The following GPHN variants were observed in gnomAD, a reference collection of about 807,000 sequenced individuals.
GPHN encodes the protein gephyrin.
GPHN carries 17 observed loss-of-function variants against 95.5 expected under a neutral mutation model. The ratio of observed to expected loss-of-function variants is 0.18; its 90% CI spans 0.12 to 0.27. GPHN has a LOEUF of 0.27. Among genes scored for constraint, GPHN ranks in the 10% least tolerant of loss-of-function variants. The pLI is 1.00. For missense variants in GPHN, 660 were observed against 978.1 expected, an observed-to-expected ratio of 0.67 and a Z score of 4.34; for synonymous variants, 320 against 322.5, an observed-to-expected ratio of 0.99 and a Z score of 0.08.
At chr14:66,516,013 A>AT (rs5809316) in intron 1 of GPHN, among the ~76,000 whole-genome samples, 2,572 of 146,050 alleles carry the variant, frequency 0.018, 28 homozygotes, top group Non-Finnish European at 0.026. Context: ...TTTGATACAC[A>AT]TTTTTTTTTT....
the GPHN span, chr14:67,204,492 C>A: frequency 5.2e-6 from 8 of 1,544,666 alleles, no homozygotes; most frequent in Non-Finnish European, 7.0e-6. Context: ...TTTTATAAGC[C>A]TCCCATCAGG....
the GPHN span, chr14:67,572,081 G>A: frequency 1.9e-6 from 3 of 1,564,658 alleles, no homozygotes; most frequent in Non-Finnish European, 2.6e-6. Flanking sequence ...CTCCTGGGCT[G>A]CGTGAGTCGG....
the GPHN span, chr14:67,381,558 A>G: frequency 9.6e-6 from 15 of 1,563,698 alleles, no homozygotes; most frequent in Admixed American, 2.6e-4. Context: ...TATTTTTTGC[A>G]TTTTTTATCA....
At chr14:67,335,792 A>AAAATT in the GPHN span, 3 of 152,560 alleles carry the variant, frequency 2.0e-5, no homozygotes, top group African/African-American at 4.8e-5. Flanking sequence ...AATAAAAAGT[A>AAAATT]AAATTATATT....
At chr14:66,860,530 TA>T (rs1173298909) in intron 4 of GPHN, among the ~76,000 whole-genome samples, 1 of 151,866 alleles carries the variant, frequency 6.6e-6, no homozygotes, top group Non-Finnish European at 1.5e-5. Flanking sequence ...TAATGAGCAA[TA>T]AAAAATATCA....
At chr14:67,193,538 A>T in the GPHN span, among the ~76,000 whole-genome samples, 1 of 143,836 alleles carries the variant, frequency 7.0e-6, no homozygotes, top group Non-Finnish European at 1.5e-5. Flanking sequence ...GATCTATAGA[A>T]ATATATATCT....
At chr14:67,439,669 G>A in the GPHN span, among the ~76,000 whole-genome samples, 1 of 151,484 alleles carries the variant, frequency 6.6e-6, no homozygotes, top group Non-Finnish European at 1.5e-5. Context: ...AGCAGTACCT[G>A]TCTACAGTGA....
At chr14:67,279,910 A>T in the GPHN span, 7 of 191,766 alleles carry the variant, frequency 3.7e-5, no homozygotes, top group Non-Finnish European at 7.4e-5. Context: ...GTAAAATAGT[A>T]ATAAATTTGT....
chr14:66,802,172 A>C, intron 3 of GPHN, among the ~76,000 whole-genome samples: 1 of 152,102 alleles, frequency 6.6e-6, no homozygotes, highest in East Asian at 1.9e-4. Flanking sequence ...TTGCCCTCAA[A>C]CCGCATGACA....
At chr14:66,679,737 C>G (rs1312964775) in intron 1 of GPHN, among the ~76,000 whole-genome samples, 1 of 152,146 alleles carries the variant, frequency 6.6e-6, no homozygotes, top group Non-Finnish European at 1.5e-5. Flanking sequence ...CCACCAACTG[C>G]TTAATTGCAG....
At chr14:67,569,084 G>A in the GPHN span, 20 of 1,209,470 alleles carry the variant, frequency 1.7e-5, no homozygotes, top group African/African-American at 2.8e-4. Context: ...TGCCTGGAGG[G>A]GGTGGGATGG....
the GPHN span, among the ~76,000 whole-genome samples, chr14:67,558,199 C>G: frequency 6.6e-6 from 1 of 152,170 alleles, no homozygotes; most frequent in Non-Finnish European, 1.5e-5. Flanking sequence ...TGCCACTGGC[C>G]TTACCTACCC....
chr14:66,751,153 C>G (rs2153447791), intron 2 of GPHN, among the ~76,000 whole-genome samples: 1 of 152,036 alleles, frequency 6.6e-6, no homozygotes, highest in Admixed American at 6.6e-5. Flanking sequence ...TGCAGTGAAC[C>G]TACACATTCA....
intron 8 of GPHN, among the ~76,000 whole-genome samples, chr14:66,940,750 T>G (rs1314422239): frequency 6.6e-6 from 1 of 152,208 alleles, no homozygotes; most frequent in Non-Finnish European, 1.5e-5. Context: ...TCCTAGGGCG[T>G]TGACCCATAG....
At chr14:67,620,051 C>T in the GPHN span, 1 of 1,611,608 alleles carries the variant, frequency 6.2e-7, no homozygotes, top group African/African-American at 1.3e-5. Context: ...TCCGTCCACT[C>T]CGTGGCTGTG....
chr14:67,528,051 A>C, the GPHN span, among the ~76,000 whole-genome samples: 1 of 152,190 alleles, frequency 6.6e-6, no homozygotes, highest in South Asian at 2.1e-4. Flanking sequence ...ATGTATGAAC[A>C]CAGGACCTCT....
the GPHN span, among the ~76,000 whole-genome samples, chr14:67,345,587 G>A: frequency 0.15 from 22,744 of 152,108 alleles, 3,186 homozygotes; most frequent in East Asian, 0.42. Flanking sequence ...ATTTTAAAAA[G>A]TAGGGACAAT....
At chr14:66,855,361 T>C (rs1402113133) in intron 4 of GPHN, among the ~76,000 whole-genome samples, 1 of 152,218 alleles carries the variant, frequency 6.6e-6, no homozygotes, top group African/African-American at 2.4e-5. Flanking sequence ...AAATATTTCA[T>C]GTAAGTGCAG....
At chr14:67,444,102 T>A in the GPHN span, among the ~76,000 whole-genome samples, 1 of 152,222 alleles carries the variant, frequency 6.6e-6, no homozygotes, top group Non-Finnish European at 1.5e-5. Context: ...CCCCTTCATC[T>A]TGAGTTGTCC....
Sources: gnomAD v4.1 joint callset for allele counts (sites outside exome capture counted in the v4.1 genomes callset) on GRCh38, gnomAD v4.1.1 for gene constraint, MANE v1.5 for transcripts, NCBI Gene and HGNC (gene_info 2026-07-23, HGNC 2026-07-21) for gene names.